The following PRR5 variants were observed in gnomAD, a reference collection of about 807,000 sequenced individuals.
PRR5 encodes proline-rich protein 5.
In PRR5, 25 loss-of-function variants were observed where a neutral mutation model predicts 30.6. That is an observed-to-expected ratio of 0.82 (90% confidence interval 0.60 to 1.14). The LOEUF (loss-of-function observed/expected upper bound fraction) is 1.14, where lower values mean the gene tolerates loss of function less well. Among genes scored for constraint, PRR5 ranks in the 50% most tolerant of loss-of-function variants. The probability of loss-of-function intolerance (pLI) is 0.00; values close to 1 mark genes in which losing one functional copy is unlikely to be tolerated. For missense variants in PRR5, 600 were observed against 547.1 expected (o/e 1.10, Z -0.96); for synonymous variants, 286 against 247.1 (o/e 1.16, Z -1.48).
intron 5 of PRR5, 28 bp downstream of exon 5, chr22:44,731,849 G>A: frequency 6.2e-7 from 1 of 1,603,282 alleles, no homozygotes; most frequent in Non-Finnish European, 8.5e-7. Context: ...GGGGAGGGAA[G>A]CCCAGTGCCC....
At chr22:44,713,866 C>G (rs577736400) in intron 1 of PRR5, among the ~76,000 whole-genome samples, 2 of 152,194 alleles carry the variant, frequency 1.3e-5, no homozygotes, top group South Asian at 2.1e-4. Context: ...TGCAGTGGCG[C>G]GATCTCGGCT....
chr22:44,692,929 G>A (rs1368712068), intron 1 of PRR5, among the ~76,000 whole-genome samples: 4 of 152,184 alleles, frequency 2.6e-5, no homozygotes, highest in South Asian at 2.1e-4. Context: ...CTTTGCAGAG[G>A]TTACTCCTCC....
rs769350219 is a variant in PRR5, at chr22:44,735,076, C to T, written c.605C>T (p.Thr202Met). Residue 202 changes from threonine to methionine, a missense_variant, in exon 7 of 8, where the codon ACG becomes ATG. By Grantham distance (81) the Thr-to-Met change is moderately conservative. Coordinates refer to ENST00000336985, the MANE Select transcript of PRR5 (RefSeq NM_181333.4). ...ACTGAGGACTACCTGCGCCTGGAGA[C>T]GCTGGTCCAGAAGGTGGTGTCGCCA... ...GVTEDYLRLE[T>M]LVQKVVSPYL... 31 of 1,611,872 alleles carry T rather than the reference C, an allele frequency of 1.9e-5. No homozygotes were observed. Among genetic ancestry groups the T allele is most frequent in the Non-Finnish European group, 2.3e-5 (27 of 1,178,852 alleles).
In PRR5 at chr22:44,702,585, C is replaced by G; in HGVS notation, c.111C>G (p.Ala37=). The change falls in exon 1 of 8, where the codon GCC becomes GCG. Residue 37 remains alanine, a synonymous_variant. Transcript: ENST00000336985. The part of the protein sequence containing the change: ...ADERGTQQRR[A]CANATWNSIH... ...AGCGGGGCACGCAGCAGCGCCGGGC[C>G]TGCGCCAACGCCACCTGGAACAGGT... The G allele has an allele frequency of 2.9e-6, 4 of 1,385,378 alleles. No individual in the cohort carries two copies. The highest frequency in any genetic ancestry group is 3.7e-6 in the Non-Finnish European group (4 of 1,067,584). The allele number at this position is 1,385,378 out of a possible 1,614,324, so 85.8% of individuals were successfully genotyped here.
chr22:44,705,719 G>A (rs1398586219), intron 1 of PRR5, among the ~76,000 whole-genome samples: 1 of 151,522 alleles, frequency 6.6e-6, no homozygotes, highest in Non-Finnish European at 1.5e-5. Context: ...CCACCTCCCG[G>A]GTTCAAGTGA....
chr22:44,683,832 C>T (rs1226842545), intron 1 of PRR5, among the ~76,000 whole-genome samples: 2 of 152,230 alleles, frequency 1.3e-5, no homozygotes, highest in Non-Finnish European at 2.9e-5. Context: ...GCGAGCCACC[C>T]GGGGAATGGA....
intron 3 of PRR5, among the ~76,000 whole-genome samples, chr22:44,725,709 G>A (rs1920932479): frequency 6.6e-6 from 1 of 152,126 alleles, no homozygotes; most frequent in African/African-American, 2.4e-5. Context: ...CTGTTGTCCA[G>A]GCTGGAGTGC....
chr22:44,721,007 C>T (rs754622094), intron 2 of PRR5, among the ~76,000 whole-genome samples: 4 of 152,260 alleles, frequency 2.6e-5, no homozygotes, highest in Admixed American at 1.3e-4. Context: ...CTTATTCCTT[C>T]GTCAGCATTC....
intron 1 of PRR5, 55 bp from the exon 2 acceptor site, chr22:44,714,523 GGGCCTGATGGGCA>G: frequency 6.3e-7 from 1 of 1,586,798 alleles, no homozygotes; most frequent in Non-Finnish European, 8.6e-7. Context: ...AAGAGGAATG[GGGCCTGATGGGCA>G]ACCAGGGGGC....
At chr22:44,723,486 G>A (rs778955396) in intron 2 of PRR5, among the ~76,000 whole-genome samples, 7 of 152,218 alleles carry the variant, frequency 4.6e-5, no homozygotes, top group African/African-American at 1.7e-4. Flanking sequence ...TTGGGAGTCC[G>A]AGGCAGGTGG....
intron 1 of PRR5, chr22:44,679,776 A>G: frequency 6.3e-7 from 1 of 1,575,528 alleles, no homozygotes; most frequent in South Asian, 1.2e-5. Flanking sequence ...CTGATGGGGC[A>G]GGCTGGTCAG....
At chr22:44,672,678 G>A (rs1369868149), upstream of PRR5, among the ~76,000 whole-genome samples, 1 of 152,214 alleles carries the variant, frequency 6.6e-6, no homozygotes, top group Non-Finnish European at 1.5e-5. Flanking sequence ...ACTCCCAAGC[G>A]TGGGCTACCC....
At chr22:44,727,022 G>A (rs1396840486) in intron 4 of PRR5, among the ~76,000 whole-genome samples, 2 of 152,174 alleles carry the variant, frequency 1.3e-5, no homozygotes, top group Non-Finnish European at 2.9e-5. Flanking sequence ...CACAGAGGAG[G>A]GGACAGGGTG....
chr22:44,724,233 C>T (rs1027987022), intron 2 of PRR5, among the ~76,000 whole-genome samples: 4 of 151,972 alleles, frequency 2.6e-5, no homozygotes, highest in Non-Finnish European at 5.9e-5. Flanking sequence ...GTCAGGAGTT[C>T]GAGACCAGCC....
chr22:44,695,284 T>C (rs146507123), intron 1 of PRR5, among the ~76,000 whole-genome samples: 4 of 152,348 alleles, frequency 2.6e-5, no homozygotes, highest in East Asian at 3.9e-4. Context: ...CTATGTGTTA[T>C]GTTCAGGGAC....
intron 1 of PRR5, among the ~76,000 whole-genome samples, chr22:44,684,372 G>T (rs1924559072): frequency 6.6e-6 from 1 of 152,190 alleles, no homozygotes; most frequent in Non-Finnish European, 1.5e-5. Context: ...GTGAAACCCT[G>T]TCTCTACCAA....
At chr22:44,686,192 AG>A in intron 1 of PRR5, among the ~76,000 whole-genome samples, 1 of 152,058 alleles carries the variant, frequency 6.6e-6, no homozygotes, top group Non-Finnish European at 1.5e-5. Context: ...GAGAGGTTGC[AG>A]TGAGCTGAGA....
At chr22:44,677,632 T>C (rs1360033138) in intron 1 of PRR5, among the ~76,000 whole-genome samples, 2 of 152,312 alleles carry the variant, frequency 1.3e-5, no homozygotes, top group African/African-American at 2.4e-5. Context: ...GGGCCAGCGC[T>C]CAAGGCTCCA....
In PRR5 at chr22:44,736,931, C is replaced by T. The variant is rs776615270; in HGVS notation, c.851C>T (p.Ser284Leu). The change falls in exon 8 of 8, where the codon TCG (serine) becomes TTG (leucine). Residue 284 changes from serine (S) to leucine (L), a missense_variant. Transcript: ENST00000336985. ...GGTSIRRHSV[S>L]EMTSCPEPQG... is the part of the protein sequence containing the mutation. ...ACCAGCATCCGCAGGCACTCTGTGT[C>T]GGAGATGACGTCCTGCCCCGAGCCT... 3.1e-6 allele frequency: 5 copies of T among 1,607,254 alleles called. No individual in the cohort carries two copies. Among genetic ancestry groups the T allele is most frequent in the East Asian group, 4.5e-5 (2 of 44,790 alleles).
Sources: gnomAD v4.1 joint callset for allele counts (sites outside exome capture counted in the v4.1 genomes callset) on GRCh38, gnomAD v4.1.1 for gene constraint, MANE v1.5 for transcripts, NCBI Gene and HGNC (gene_info 2026-07-23, HGNC 2026-07-21) for gene names.